The following TENM3 variants were observed in gnomAD, a reference collection of about 807,000 sequenced individuals.
TENM3 encodes teneurin transmembrane protein 3.
A neutral mutation model predicts 255.1 loss-of-function variants in TENM3; 63 were observed. That is an observed-to-expected ratio of 0.25 (90% CI 0.20 to 0.30). TENM3 has a LOEUF of 0.30. Ranked by LOEUF, TENM3 falls within the 10% of genes least tolerant of loss-of-function variation. The pLI, the probability that TENM3 is intolerant of heterozygous loss-of-function variation, is 1.00. For synonymous variants in TENM3, 1,306 were observed against 1,322.3 expected, an observed-to-expected ratio of 0.99 and a Z score of 0.27; for missense variants, 2,929 against 3,461.1, an observed-to-expected ratio of 0.85 and a Z score of 3.86.
chr4:182,548,278 G>A (rs1741651530), intron 3 of TENM3, among the ~76,000 whole-genome samples: 1 of 152,124 alleles, frequency 6.6e-6, no homozygotes. Context: ...AAGACCGCCC[G>A]TGACTCATGT....
chr4:181,930,854 G>A, the TENM3 span, among the ~76,000 whole-genome samples: 1 of 152,182 alleles, frequency 6.6e-6, no homozygotes. Context: ...TGCAAGGCTG[G>A]TTCAGCATAC....
chr4:181,732,227 G>A, the TENM3 span, among the ~76,000 whole-genome samples: 20 of 152,266 alleles, frequency 1.3e-4, no homozygotes, highest in East Asian at 3.9e-3. Context: ...AAGGATAGAT[G>A]CATGGTAGAA....
intron 1 of TENM3, among the ~76,000 whole-genome samples, chr4:182,264,723 G>A (rs1440625228): frequency 2.0e-5 from 3 of 152,112 alleles, no homozygotes; most frequent in African/African-American, 7.2e-5. Context: ...GCATCTTGGA[G>A]GTTACCTTTG....
the TENM3 span, among the ~76,000 whole-genome samples, chr4:181,857,445 T>C: frequency 6.6e-6 from 1 of 151,132 alleles, no homozygotes; most frequent in African/African-American, 2.4e-5. Flanking sequence ...CCAGGTGCAG[T>C]GGCTCATGCC....
chr4:181,765,807 G>A, the TENM3 span, among the ~76,000 whole-genome samples: 1 of 152,088 alleles, frequency 6.6e-6, no homozygotes, highest in Non-Finnish European at 1.5e-5. Flanking sequence ...GGTTTAGAAA[G>A]GAAAATAAAT....
At chr4:182,347,002 G>GGGGA in intron 3 of TENM3, 73 bp downstream of exon 3, 1 of 1,121,432 alleles carries the variant, frequency 8.9e-7, no homozygotes, top group Non-Finnish European at 1.2e-6. Flanking sequence ...CCGCGGGGGG[G>GGGGA]GATGTTTTTC....
At chr4:182,060,123 G>A in the TENM3 span, among the ~76,000 whole-genome samples, 1 of 152,100 alleles carries the variant, frequency 6.6e-6, no homozygotes, top group Non-Finnish European at 1.5e-5. Flanking sequence ...TGTAGTCCCG[G>A]CTACTCAGGA....
chr4:182,490,908 C>G (rs1041145513), intron 3 of TENM3, among the ~76,000 whole-genome samples: 1 of 152,178 alleles, frequency 6.6e-6, no homozygotes, highest in African/African-American at 2.4e-5. Flanking sequence ...TACCTTGCCT[C>G]TTGCCTTCCC....
At chr4:181,812,356 TAGTTTTTC>T in the TENM3 span, among the ~76,000 whole-genome samples, 4 of 152,206 alleles carry the variant, frequency 2.6e-5, no homozygotes, top group Non-Finnish European at 5.9e-5. Context: ...AATGAAATAT[TAGTTTTTC>T]AGTTGCTGCT....
chr4:182,533,649 A>C (rs1421470381), intron 3 of TENM3, among the ~76,000 whole-genome samples: 2 of 152,024 alleles, frequency 1.3e-5, no homozygotes, highest in Non-Finnish European at 2.9e-5. Context: ...TAGTTTTTGC[A>C]ATATAAAAGG....
chr4:182,290,588 C>T (rs1378336883), intron 1 of TENM3, among the ~76,000 whole-genome samples: 1 of 150,812 alleles, frequency 6.6e-6, no homozygotes, highest in Non-Finnish European at 1.5e-5. Flanking sequence ...CTGCAATCTC[C>T]ATCTCCCGGG....
rs1313380185 is a variant in TENM3 at position 182,802,096 on chromosome 4, C to G, written c.*1745C>G. On this transcript the variant is annotated 3_prime_UTR_variant, in exon 28 of 28. Transcript: ENST00000511685. ...AACTGCTTTGTATGTATCACATACT[C>G]TAAATTGCACAGTAGGCGTGTTTAT... 6.6e-6 allele frequency: 1 copy of G among 152,588 alleles called. No homozygotes were observed. The highest frequency in any genetic ancestry group is 1.5e-5 in the Non-Finnish European group (1 of 68,038). The allele number at this position is 152,588 out of a possible 1,614,324, so 9.5% of individuals were successfully genotyped here.
At chr4:182,668,819 G>A (rs1754949950) in intron 6 of TENM3, among the ~76,000 whole-genome samples, 1 of 152,084 alleles carries the variant, frequency 6.6e-6, no homozygotes, top group South Asian at 2.1e-4. Context: ...TCAGAACTTG[G>A]TTACCATTAC....
the TENM3 span, among the ~76,000 whole-genome samples, chr4:181,764,318 C>T: frequency 6.6e-6 from 1 of 152,176 alleles, no homozygotes; most frequent in South Asian, 2.1e-4. Context: ...AGAAAGCCTT[C>T]TCACACTTTC....
chr4:182,600,949 G>C lies in TENM3; in HGVS notation c.537G>C (p.Gln179His), dbSNP rs1215049728. 2 of 1,358,094 alleles carry C rather than the reference G, an allele frequency of 1.5e-6. No individual in the cohort carries two copies. The highest frequency in any genetic ancestry group is 2.0e-6 in the Non-Finnish European group (2 of 998,784). The allele number at this position is 1,358,094 out of a possible 1,614,324, so 84.1% of individuals were successfully genotyped here. Residue 179 changes from glutamine (Q) to histidine (H), a missense_variant, in exon 4 of 28, where the codon CAG (glutamine) becomes CAC (histidine). Coordinates refer to ENST00000511685, the MANE Select transcript of TENM3 (RefSeq NM_001080477.4). Reference sequence around the variant, plus strand: ...AGCAACCTGCAAGCAATCAAGGCCAGTCTACCCTGCAGCCCTTGCCGCCTT... The same window carrying C: ...AGCAACCTGCAAGCAATCAAGGCCACTCTACCCTGCAGCCCTTGCCGCCTT... ...ENEQPASNQG[Q>H]STLQPLPPSH...
rs551206934 is a variant in TENM3, at chr4:182,561,386, A to G, written c.512-39538A>G. 7.8e-4 allele frequency among the ~76,000 whole-genome samples: 119 copies of G among 151,934 alleles called. 1 individual carries two copies. Among genetic ancestry groups the G allele is most frequent in the Non-Finnish European group, 7.1e-4 (48 of 67,932 alleles). On this transcript the variant is annotated intron_variant, in intron 3 of 27. Transcript: ENST00000511685. ...AGGAAAATGCTCATGTTAGTGATAC[A>G]AGGAAGATAGCAAAGCAGAACTATG...
chr4:181,735,991 A>G, the TENM3 span, among the ~76,000 whole-genome samples: 1 of 152,094 alleles, frequency 6.6e-6, no homozygotes. Context: ...TTTTTTTCTT[A>G]TAACATATTC....
the TENM3 span, chr4:181,980,350 T>C: frequency 1.3e-5 from 2 of 152,130 alleles, no homozygotes; most frequent in Admixed American, 6.6e-5. Context: ...GGGGAAGTTG[T>C]GGTCTGGAAG....
chr4:181,867,893 A>G, the TENM3 span, among the ~76,000 whole-genome samples: 6 of 152,248 alleles, frequency 3.9e-5, no homozygotes, highest in Non-Finnish European at 7.4e-5. Flanking sequence ...TTATGCCTCC[A>G]TTTTGTTTAA....
Sources: allele counts gnomAD v4.1 joint callset (sites outside exome capture counted in the v4.1 genomes callset), GRCh38; gene constraint gnomAD v4.1.1; transcripts MANE v1.5; gene names NCBI Gene and HGNC (gene_info 2026-07-23, HGNC 2026-07-21).